The following USP6NL variants were observed in gnomAD, a reference collection of about 807,000 sequenced individuals.
USP6NL encodes USP6 N-terminal-like protein.
In USP6NL, 26 loss-of-function variants were observed where a neutral mutation model predicts 61.9. That is an observed-to-expected ratio of 0.42 (90% CI 0.31 to 0.58). The LOEUF is 0.58. Ranked by LOEUF, USP6NL falls within the 20% of genes least tolerant of loss-of-function variation. The pLI is 0.16. For synonymous variants in USP6NL, 432 were observed against 390.1 expected (o/e 1.11, Z -1.27); for missense variants, 1,114 against 1,034.3 (o/e 1.08, Z -1.06).
chr10:11,462,066 A>T lies in USP6NL; in HGVS notation c.*375T>A, dbSNP rs2096216283. On this transcript the variant is annotated 3_prime_UTR_variant, in exon 15 of 15. Transcript: ENST00000609104. ...ATACACTACATATAGCCTTAAAAAT[A>T]TCTATTCTACAGTTTTTTCAGTACT... The T allele has an allele frequency of 5.0e-6, 1 of 199,568 alleles. No homozygotes were observed. The highest frequency in any genetic ancestry group is 1.0e-5 in the Non-Finnish European group (1 of 97,744). The allele number at this position is 199,568 out of a possible 1,614,324, so 12.4% of individuals were successfully genotyped here. A position where few individuals can be genotyped will look rare whatever the true frequency, so the allele number is the denominator to read the frequency against.
At chr10:11,498,748 T>G (rs1834051562) in intron 7 of USP6NL, among the ~76,000 whole-genome samples, 1 of 152,140 alleles carries the variant, frequency 6.6e-6, no homozygotes, top group African/African-American at 2.4e-5. Context: ...GTCTTTGCAA[T>G]GTGCTTTGAA....
Position 11,460,719 on chromosome 10 carries a change from T to C in USP6NL, c.*1722A>G, listed in dbSNP as rs1403000315. On this transcript the variant is annotated 3_prime_UTR_variant, in exon 15 of 15. Coordinates refer to ENST00000609104, the MANE Select transcript of USP6NL (RefSeq NM_014688.5). ...TGGAGCAGCTCAGATACTGCTATTA[T>C]AAACTAAATTGTACAGCTTGGTTTA... 1.3e-5 allele frequency: 2 copies of C among 150,988 alleles called. No individual in the cohort carries two copies. Among genetic ancestry groups the C allele is most frequent in the Admixed American group, 1.3e-4 (2 of 15,102 alleles). The allele number at this position is 150,988 out of a possible 1,614,324, so 9.4% of individuals were successfully genotyped here.
At position 11,487,053 on chromosome 10, in the gene USP6NL, A is replaced by G. The variant is rs962559893; in HGVS notation, c.665-1142T>C. On this transcript the variant is annotated intron_variant, in intron 10 of 14. Transcript: ENST00000609104. The surrounding 1 kb of genome is among the most constrained non-coding windows in gnomAD (Gnocchi z 4.2). ...TTTCAGTGAAATTGTTTCATTAAAAAAAAAAAATCCGTATCTATCAGTGCC... is the reference window on the plus strand; with the variant it reads ...TTTCAGTGAAATTGTTTCATTAAAAGAAAAAAATCCGTATCTATCAGTGCC... Among the ~76,000 whole-genome samples the G allele has an allele frequency of 3.9e-5, 6 of 152,202 alleles. No homozygotes were observed. Among genetic ancestry groups the G allele is most frequent in the African/African-American group, 1.4e-4 (6 of 41,450 alleles).
At position 11,541,267 on chromosome 10, in the gene USP6NL, ATATATATATG is replaced by A. The variant is rs1361933662; in HGVS notation, c.5-13710_5-13701del. Among the ~76,000 whole-genome samples, 49 of 130,344 alleles carry A rather than the reference ATATATATATG, an allele frequency of 3.8e-4. 1 individual carries two copies. The highest frequency in any genetic ancestry group is 3.9e-3 in the Middle Eastern group (1 of 258). 85.5% of individuals were successfully genotyped at this position (130,344 alleles called of 152,430 possible). On this transcript the variant is annotated intron_variant, in intron 2 of 14. Coordinates refer to ENST00000609104, the MANE Select transcript of USP6NL (RefSeq NM_014688.5). ...TATATATATATATATATATATATAT[ATATATATATG>A]TATGTCACTCTTCAGGAGACCAGAT...
intron 2 of USP6NL, among the ~76,000 whole-genome samples, chr10:11,535,611 A>T (rs1835802244): frequency 6.6e-6 from 1 of 152,186 alleles, no homozygotes; most frequent in Non-Finnish European, 1.5e-5. Context: ...CCCACCCCAA[A>T]GCTGCTTCAT....
intron 1 of USP6NL, among the ~76,000 whole-genome samples, chr10:11,606,910 C>T (rs766657331): frequency 2.8e-4 from 43 of 151,638 alleles, no homozygotes; most frequent in Admixed American, 2.2e-3. Context: ...TGTGCCTCAG[C>T]CTCCGAGTAG....
chr10:11,542,385 A>G (rs996799047), intron 2 of USP6NL, among the ~76,000 whole-genome samples: 16 of 152,210 alleles, frequency 1.1e-4, no homozygotes, highest in Admixed American at 9.8e-4. Context: ...GTCAGAAAAA[A>G]GTTTTAGGTA....
intron 7 of USP6NL, among the ~76,000 whole-genome samples, chr10:11,497,934 T>C (rs1834008706): frequency 6.6e-6 from 1 of 151,988 alleles, no homozygotes; most frequent in South Asian, 2.1e-4. Flanking sequence ...GGAAAGCATT[T>C]AGATAAAAAA....
rs1836568618 is a variant in USP6NL, at chr10:11,553,458, A to G, written c.5-25891T>C. On this transcript the variant is annotated intron_variant, in intron 2 of 14. Coordinates refer to ENST00000609104, the MANE Select transcript of USP6NL (RefSeq NM_014688.5). This position sits in a 1 kb window ranked among gnomAD's most constrained non-coding sequence, Gnocchi z 4.8. ...AACTCACTTACGAGACTACTCACTCAGGTGACCTGTTATGTATGCCAAAAC... is the reference window on the plus strand; with the variant it reads ...AACTCACTTACGAGACTACTCACTCGGGTGACCTGTTATGTATGCCAAAAC... 6.6e-6 allele frequency among the ~76,000 whole-genome samples: 1 copy of G among 152,260 alleles called. No individual in the cohort carries two copies. Among genetic ancestry groups the G allele is most frequent in the African/African-American group, 2.4e-5 (1 of 41,472 alleles).
Position 11,463,805 on chromosome 10 carries a change from G to A in USP6NL, c.1123C>T (p.Pro375Ser). ...YPKKPLGQLP[P>S]ELQSWGVHHL... is the part of the protein sequence containing the mutation. ...TGGACGCCCCAAGACTGAAGTTCAG[G>A]TGGAAGCTGCCCCAAGGGCTTCTTT... The change falls in exon 15 of 15, where the codon CCT becomes TCT. Residue 375 changes from proline to serine, a missense_variant. By Grantham distance (74) the Pro-to-Ser change is moderately conservative. Coordinates refer to ENST00000609104, the MANE Select transcript of USP6NL (RefSeq NM_014688.5). The surrounding 1 kb of genome is among the most constrained non-coding windows in gnomAD (Gnocchi z 6.3). 3 of 1,486,718 alleles carry A rather than the reference G, an allele frequency of 2.0e-6. No individual in the cohort carries two copies. The highest frequency in any genetic ancestry group is 2.7e-6 in the Non-Finnish European group (3 of 1,119,376). 92.1% of individuals were successfully genotyped at this position (1,486,718 alleles called of 1,614,324 possible). A position where few individuals can be genotyped will look rare whatever the true frequency, so the allele number is the denominator to read the frequency against.
chr10:11,546,721 T>G (rs1762460163), intron 2 of USP6NL, among the ~76,000 whole-genome samples: 2 of 152,202 alleles, frequency 1.3e-5, no homozygotes, highest in Non-Finnish European at 2.9e-5. Flanking sequence ...CAGTTGGCTT[T>G]CTGTTCTTCT....
Position 11,463,953 on chromosome 10 carries a change from T to TA in USP6NL, c.1079-105dup. On this transcript the variant is annotated intron_variant, in intron 14 of 14. Coordinates refer to ENST00000609104, the MANE Select transcript of USP6NL (RefSeq NM_014688.5). The surrounding 1 kb of genome is among the most constrained non-coding windows in gnomAD (Gnocchi z 6.3). ...GGCATGCTTTTCATCTGTGCACAGA[T>TA]ACACGCTGACATACAACACACTGTC... The TA allele has an allele frequency of 9.3e-7, 1 of 1,079,868 alleles. No homozygotes were observed. Among genetic ancestry groups the TA allele is most frequent in the Non-Finnish European group, 1.3e-6 (1 of 764,606 alleles). The allele number at this position is 1,079,868 out of a possible 1,614,324, so 66.9% of individuals were successfully genotyped here. A position where few individuals can be genotyped will look rare whatever the true frequency, so the allele number is the denominator to read the frequency against.
At chr10:11,571,196 G>GC (rs1837348051) in intron 2 of USP6NL, among the ~76,000 whole-genome samples, 1 of 151,510 alleles carries the variant, frequency 6.6e-6, no homozygotes, top group African/African-American at 2.4e-5. Context: ...CGATTCTCCT[G>GC]CCTCAGCCTC....
chr10:11,480,716 C>G (rs1833161738), intron 14 of USP6NL, among the ~76,000 whole-genome samples: 1 of 152,216 alleles, frequency 6.6e-6, no homozygotes, highest in Admixed American at 6.5e-5. Flanking sequence ...CATGGAAGTA[C>G]TGCTTGTCCT....
intron 14 of USP6NL, among the ~76,000 whole-genome samples, chr10:11,467,397 T>C (rs1295683797): frequency 6.6e-6 from 1 of 152,232 alleles, no homozygotes; most frequent in Admixed American, 6.5e-5. Context: ...AATTTGACAA[T>C]GCATATTGAA....
chr10:11,564,973 C>T (rs1038766310), intron 2 of USP6NL: 5 of 152,184 alleles, frequency 3.3e-5, no homozygotes, highest in African/African-American at 1.2e-4. Context: ...GACACTTGTA[C>T]TGCCATTTAT....
At chr10:11,580,439 T>G (rs1837715379) in intron 2 of USP6NL, among the ~76,000 whole-genome samples, 1 of 152,240 alleles carries the variant, frequency 6.6e-6, no homozygotes, top group African/African-American at 2.4e-5. Context: ...GTTTGCAATG[T>G]GTATTATTTA....
chr10:11,594,771 A>G (rs1375824813), intron 2 of USP6NL, among the ~76,000 whole-genome samples: 1 of 152,246 alleles, frequency 6.6e-6, no homozygotes, highest in Non-Finnish European at 1.5e-5. Flanking sequence ...TACTAAGGAC[A>G]TTACTTACAA....
Position 11,478,090 on chromosome 10 carries a change from A to G in USP6NL, c.1078+3680T>C, listed in dbSNP as rs1833042104. Among the ~76,000 whole-genome samples, 2 of 152,260 alleles carry G rather than the reference A, an allele frequency of 1.3e-5. No individual in the cohort carries two copies. Among genetic ancestry groups the G allele is most frequent in the South Asian group, 4.1e-4 (2 of 4,836 alleles). ...ACAAAAATATTATTAAAAGGATACCAAGAGTTTTCCTAACCAGTTAGAAAG... is the reference window on the plus strand; with the variant it reads ...ACAAAAATATTATTAAAAGGATACCGAGAGTTTTCCTAACCAGTTAGAAAG... On this transcript the variant is annotated intron_variant, in intron 14 of 14. Transcript: ENST00000609104. The surrounding 1 kb of genome is among the most constrained non-coding windows in gnomAD (Gnocchi z 6.8).
Sources: gnomAD v4.1 joint callset for allele counts (sites outside exome capture counted in the v4.1 genomes callset) on GRCh38, gnomAD v4.1.1 for gene constraint, Gnocchi (gnomAD v3.1) non-coding constraint, MANE v1.5 for transcripts, NCBI Gene and HGNC (gene_info 2026-07-23, HGNC 2026-07-21) for gene names.